The following CLIC5 variants were observed in gnomAD, a reference collection of about 807,000 sequenced individuals.
CLIC5 encodes the protein chloride intracellular channel protein 5.
In CLIC5, 20 loss-of-function variants were observed where a neutral mutation model predicts 24.7. The observed-to-expected ratio is 0.81, with a 90% CI of 0.57 to 1.18. The LOEUF (loss-of-function observed/expected upper bound fraction) is 1.18. CLIC5 is among the 50% of genes most tolerant of loss of function. CLIC5 has a pLI of 0.00. For synonymous variants in CLIC5, 159 were observed against 135.6 expected (o/e 1.17, Z -1.20); for missense variants, 341 against 326.1 (o/e 1.05, Z -0.35).
chr6:45,920,703 AAG>A, intron 4 of CLIC5: 1 of 972,596 alleles, frequency 1.0e-6, no homozygotes, highest in African/African-American at 1.8e-5. Context: ...GGACAAGAGG[AAG>A]AGACACTGAG....
chr6:46,079,510 C>A (rs1305822184), intron 1 of CLIC5, among the ~76,000 whole-genome samples: 1 of 152,166 alleles, frequency 6.6e-6, no homozygotes, highest in African/African-American at 2.4e-5. Context: ...TTTAAATGCA[C>A]CTTCCAATTC....
At chr6:45,933,492 C>A (rs1410434210) in intron 4 of CLIC5, among the ~76,000 whole-genome samples, 2 of 152,224 alleles carry the variant, frequency 1.3e-5, no homozygotes, top group Non-Finnish European at 2.9e-5. Context: ...AAGGGCAATG[C>A]AATCTGAGCA....
At chr6:46,036,652 T>G (rs1471991179) in intron 1 of CLIC5, among the ~76,000 whole-genome samples, 1 of 152,222 alleles carries the variant, frequency 6.6e-6, no homozygotes, top group Non-Finnish European at 1.5e-5. Flanking sequence ...TTACAGTTAT[T>G]TGTATTTATT....
Position 45,987,949 on chromosome 6 carries a change from T to C in CLIC5, c.63+27531A>G, listed in dbSNP as rs1017771354. Among the ~76,000 whole-genome samples, 6 of 152,328 alleles carry C rather than the reference T, an allele frequency of 3.9e-5. No individual in the cohort carries two copies. The East Asian group carries it at 1.2e-3, about 29-fold the overall frequency. ...TCTGTCCCTGGCCCCCCAAAGTTCA[T>C]GGCCTTCTCACATGCAATATGCATT... is the stretch of plus-strand genomic sequence containing the variant. On this transcript the variant is annotated intron_variant, in intron 1 of 5. Coordinates refer to ENST00000339561, the MANE Select transcript of CLIC5 (RefSeq NM_016929.5).
chr6:45,883,111 C>A (rs1218846056), intron 6 of CLIC5, among the ~76,000 whole-genome samples: 2 of 152,134 alleles, frequency 1.3e-5, no homozygotes, highest in African/African-American at 4.8e-5. Context: ...AAAGTAAATT[C>A]TTACCTGTAG....
chr6:46,087,880 T>A, the CLIC5 span, among the ~76,000 whole-genome samples: 1 of 152,206 alleles, frequency 6.6e-6, no homozygotes, highest in South Asian at 2.1e-4. Flanking sequence ...CTAAGTGTAC[T>A]AAATAACTAA....
At chr6:45,949,140 C>T (rs1764383277) in intron 3 of CLIC5, 116 bp downstream of exon 3, 4 of 1,366,586 alleles carry the variant, frequency 2.9e-6, no homozygotes, top group African/African-American at 1.5e-5. Context: ...GGGTCCTGTT[C>T]TCTGGACTGG....
intron 1 of CLIC5, among the ~76,000 whole-genome samples, chr6:46,049,980 G>T (rs1476765075): frequency 1.3e-5 from 2 of 152,106 alleles, no homozygotes; most frequent in Non-Finnish European, 1.5e-5. Context: ...CCATTTTTTT[G>T]TGTGGAGTAT....
chr6:46,093,079 C>T, the CLIC5 span, among the ~76,000 whole-genome samples: 1 of 151,986 alleles, frequency 6.6e-6, no homozygotes, highest in Non-Finnish European at 1.5e-5. Flanking sequence ...TTCCTTTTTC[C>T]TCCCCATCTA....
chr6:45,987,993 C>T (rs1053769457), intron 1 of CLIC5, among the ~76,000 whole-genome samples: 3 of 152,142 alleles, frequency 2.0e-5, no homozygotes, highest in Non-Finnish European at 4.4e-5. Flanking sequence ...CCCAACAGCC[C>T]TAAAAGTCTT....
At chr6:45,921,892 C>A (rs1763276185) in intron 4 of CLIC5, among the ~76,000 whole-genome samples, 1 of 152,180 alleles carries the variant, frequency 6.6e-6, no homozygotes, top group South Asian at 2.1e-4. Context: ...TGGACTTGGC[C>A]TCATAGCCAG....
At chr6:46,024,267 C>T (rs1767267345) in intron 1 of CLIC5, among the ~76,000 whole-genome samples, 1 of 152,076 alleles carries the variant, frequency 6.6e-6, no homozygotes, top group Non-Finnish European at 1.5e-5. Context: ...TTCACAGTAC[C>T]TTAGGTTGAA....
chr6:46,046,783 G>A (rs953716059), intron 1 of CLIC5, among the ~76,000 whole-genome samples: 6 of 152,160 alleles, frequency 3.9e-5, no homozygotes, highest in African/African-American at 7.2e-5. Flanking sequence ...AGGGGCCAGC[G>A]GAGATGACCA....
intron 2 of CLIC5, among the ~76,000 whole-genome samples, chr6:45,954,305 A>T (rs924549267): frequency 4.6e-5 from 7 of 151,740 alleles, no homozygotes; most frequent in African/African-American, 1.7e-4. Flanking sequence ...AGAAAAGAAA[A>T]TAGAAGAAAA....
rs1310258047 is a variant in CLIC5, at chr6:45,914,354, G to T, written c.462C>A (p.Thr154=). 1 of 1,605,322 alleles carries T rather than the reference G, an allele frequency of 6.2e-7. No individual in the cohort carries two copies. Among genetic ancestry groups the T allele is most frequent in the South Asian group, 1.1e-5 (1 of 90,038 alleles). ...ALKKLDDYLN[T]PLPEEIDANT... ...TGGCGTCAATCTCCTCTGGTAGAGG[G>T]GTGTTCAGGTAGTCATCCAATTTCT... Residue 154 remains threonine (T), a synonymous_variant, in exon 5 of 6, where the codon ACC becomes ACA. Transcript: ENST00000339561.
At chr6:46,064,424 T>C (rs897949413) in intron 1 of CLIC5, among the ~76,000 whole-genome samples, 6 of 152,052 alleles carry the variant, frequency 3.9e-5, no homozygotes, top group Non-Finnish European at 7.4e-5. Context: ...CACATTCCCA[T>C]CTCATTCTAG....
At chr6:45,928,459 C>T (rs920292357) in intron 4 of CLIC5, among the ~76,000 whole-genome samples, 8 of 152,184 alleles carry the variant, frequency 5.3e-5, no homozygotes, top group African/African-American at 1.7e-4. Context: ...CTCAAAGCTA[C>T]GTCCTAACCA....
rs534357736 is a variant in CLIC5 at position 45,925,740 on chromosome 6, T to C, written c.407-11331A>G. ...AGGACCCTAAAATCATGTGACTCTA[T>C]TTATATACTTATGTAATAAGCTTTA... On this transcript the variant is annotated intron_variant, in intron 4 of 5. Coordinates refer to ENST00000339561, the MANE Select transcript of CLIC5 (RefSeq NM_016929.5). Among the ~76,000 whole-genome samples, 20 of 152,344 alleles carry C rather than the reference T, an allele frequency of 1.3e-4. No individual in the cohort carries two copies. In the East Asian group the frequency reaches 3.7e-3, roughly 28 times the overall value.
intron 1 of CLIC5, among the ~76,000 whole-genome samples, chr6:46,001,817 A>C (rs1766370236): frequency 6.6e-6 from 1 of 152,224 alleles, no homozygotes. Flanking sequence ...CATGTAAAAC[A>C]ATCACAATAT....
Sources: gnomAD v4.1 joint callset for allele counts (sites outside exome capture counted in the v4.1 genomes callset) on GRCh38, gnomAD v4.1.1 for gene constraint, MANE v1.5 for transcripts, NCBI Gene and HGNC (gene_info 2026-07-23, HGNC 2026-07-21) for gene names.